Variants in ACSS1 observed in about 807,000 individuals in gnomAD.
ACSS1 encodes the protein acyl-CoA synthetase short chain family member 1.
Under a neutral mutation model 75.3 loss-of-function variants are expected in ACSS1, and 42 were observed. The ratio of observed to expected loss-of-function variants is 0.56; its 90% CI spans 0.44 to 0.72. The LOEUF is 0.72. ACSS1 is among the 30% of genes least tolerant of loss of function. The pLI, the probability that ACSS1 is intolerant of heterozygous loss-of-function variation, is 0.00. For missense variants in ACSS1, 782 were observed against 935.7 expected (o/e 0.84, Z 2.14); for synonymous variants, 380 against 376.8 (o/e 1.01, Z -0.10).
chr20:25,009,183 A>G lies in ACSS1; in HGVS notation c.1890+87T>C, dbSNP rs1322865998. 6.8e-6 allele frequency: 8 copies of G among 1,181,740 alleles called. No homozygotes were observed. In the East Asian group the frequency reaches 1.9e-4, roughly 28 times the overall value. 73.2% of individuals were successfully genotyped at this position (1,181,740 alleles called of 1,614,324 possible). A position where few individuals can be genotyped will look rare whatever the true frequency, so the allele number is the denominator to read the frequency against. On this transcript the variant is annotated intron_variant, in intron 13 of 13. Transcript: ENST00000323482. ...TCCGTTTTGATGCTAATTGGAAAAG[A>G]GTAATATGCTCCTAAAAGATCATTG...
intron 2 of ACSS1, among the ~76,000 whole-genome samples, chr20:25,041,936 G>A (rs1442942430): frequency 6.6e-6 from 1 of 152,156 alleles, no homozygotes; most frequent in African/African-American, 2.4e-5. Context: ...GACTCCATTC[G>A]AGTGGCCTGG....
intron 5 of ACSS1, among the ~76,000 whole-genome samples, chr20:25,021,836 G>A (rs1039337135): frequency 5.3e-5 from 8 of 152,188 alleles, no homozygotes; most frequent in African/African-American, 1.9e-4. Flanking sequence ...CAGCTTCGAG[G>A]AGCATGAGAG....
At chr20:25,023,351 G>C (rs796761093) in intron 4 of ACSS1, 115 bp downstream of exon 4, 1 of 1,300,408 alleles carries the variant, frequency 7.7e-7, no homozygotes, top group African/African-American at 1.5e-5. Context: ...AAATACCACA[G>C]AGGAACCCTG....
At chr20:25,009,225 G>A in intron 13 of ACSS1, 45 bp downstream of exon 13, 1 of 1,451,860 alleles carries the variant, frequency 6.9e-7, no homozygotes, top group Non-Finnish European at 9.7e-7. Flanking sequence ...GACAATTGTG[G>A]GAAGAACAGC....
rs760704817 is a variant in ACSS1, at chr20:25,023,558, C to T, written c.715G>A (p.Val239Met). The change falls in exon 4 of 14, where the codon GTG (valine) becomes ATG (methionine). Residue 239 changes from valine (V) to methionine (M), a missense_variant. Val to Met is a conservative substitution (Grantham distance 21). Coordinates refer to ENST00000323482, the MANE Select transcript of ACSS1 (RefSeq NM_032501.4). ...VELKKIVDEA[V>M]KHCPTVQHVL... Reference sequence around the variant, plus strand: ...TGCTGCACGGTGGGGCAGTGCTTCACAGCCTCATCCACTATTTTCTTCAGC... The same window carrying T: ...TGCTGCACGGTGGGGCAGTGCTTCATAGCCTCATCCACTATTTTCTTCAGC... 6.2e-7 allele frequency: 1 copy of T among 1,614,162 alleles called. No individual in the cohort carries two copies. The highest frequency in any genetic ancestry group is 8.5e-7 in the Non-Finnish European group (1 of 1,180,028).
chr20:25,009,557 GT>G (rs2088370255), intron 12 of ACSS1, 169 bp from the exon 13 acceptor site: 1 of 633,308 alleles, frequency 1.6e-6, no homozygotes, highest in South Asian at 1.8e-5. Context: ...ATGCACTTCA[GT>G]TTCATGAAAA....
chr20:25,041,654 G>A (rs1435882949), intron 2 of ACSS1, among the ~76,000 whole-genome samples: 4 of 152,102 alleles, frequency 2.6e-5, no homozygotes, highest in Non-Finnish European at 5.9e-5. Flanking sequence ...CATACAAAAT[G>A]TTAGCCTGGA....
chr20:25,042,185 G>A (rs571217721), intron 2 of ACSS1, among the ~76,000 whole-genome samples: 3 of 152,296 alleles, frequency 2.0e-5, no homozygotes, highest in Admixed American at 6.5e-5. Context: ...GACGTGCCAG[G>A]ACCTCGGCAC....
At position 25,007,596 on chromosome 20, in the gene ACSS1, G is replaced by A. The variant is rs1040435096; in HGVS notation, c.*166C>T. 3.7e-5 allele frequency: 54 copies of A among 1,464,534 alleles called. No individual in the cohort carries two copies. The highest frequency in any genetic ancestry group is 1.8e-4 in the Admixed American group (7 of 38,506). The allele number at this position is 1,464,534 out of a possible 1,614,324, so 90.7% of individuals were successfully genotyped here. A position where few individuals can be genotyped will look rare whatever the true frequency, so the allele number is the denominator to read the frequency against. ...CACTCCTGGGACCTCCAATGGATGG[G>A]AGAAAGGGCTCTCAGCCCAGCTTCA... On this transcript the variant is annotated 3_prime_UTR_variant, in exon 14 of 14. Transcript: ENST00000323482.
chr20:25,038,324 C>A (rs551115680), intron 2 of ACSS1, among the ~76,000 whole-genome samples: 10 of 152,322 alleles, frequency 6.6e-5, no homozygotes, highest in African/African-American at 9.6e-5. Flanking sequence ...CACAGCCCCC[C>A]ACACCACTGG....
Position 25,048,157 on chromosome 20 carries a change from C to G in ACSS1, c.359G>C (p.Arg120Pro). ...VSVNCLDQHV[R>P]KSPESVALIW... ...CAAAGCAACGCTCTCGGGGGACTTC[C>G]GAACATGCTGGTCCAAGCAGTTGAC... The change falls in exon 2 of 14, where the codon CGG (arginine) becomes CCG (proline). Residue 120 changes from arginine to proline, a missense_variant. By Grantham distance (103) the Arg-to-Pro change is moderately radical (BLOSUM62 -2). This residue lies in a region of ACSS1 where 377 missense variants were observed against 383.1 expected (regional missense o/e 0.98). Coordinates refer to ENST00000323482, the MANE Select transcript of ACSS1 (RefSeq NM_032501.4). 1 of 1,613,490 alleles carries G rather than the reference C, an allele frequency of 6.2e-7. No individual in the cohort carries two copies. Among genetic ancestry groups the G allele is most frequent in the Non-Finnish European group, 8.5e-7 (1 of 1,179,974 alleles).
intron 2 of ACSS1, chr20:25,031,222 T>C: frequency 3.7e-6 from 2 of 537,536 alleles, no homozygotes; most frequent in South Asian, 3.5e-5. Context: ...CGGCAGGGTT[T>C]TTTTAGGGGA....
intron 12 of ACSS1, chr20:25,010,304 C>T (rs1367321035): frequency 6.6e-6 from 1 of 152,468 alleles, no homozygotes; most frequent in Non-Finnish European, 1.5e-5. Context: ...CTTTGTCTGT[C>T]TCTCTCCTCT....
intron 13 of ACSS1, 80 bp from the exon 14 acceptor site, chr20:25,008,021 G>C (rs2088340551): frequency 6.6e-7 from 1 of 1,513,640 alleles, no homozygotes; most frequent in East Asian, 2.4e-5. Flanking sequence ...AAGATCAGAA[G>C]GGCTCTGCTC....
chr20:25,016,903 G>A (rs1309285729), intron 7 of ACSS1, among the ~76,000 whole-genome samples: 1 of 152,212 alleles, frequency 6.6e-6, no homozygotes, highest in Non-Finnish European at 1.5e-5. Context: ...ATCCACTACA[G>A]GAACTTAACT....
rs116824617 is a variant in ACSS1 at position 25,046,789 on chromosome 20, C to T, written c.431+1296G>A. 2,984 of 779,614 alleles carry T rather than the reference C, an allele frequency of 3.8e-3. 55 individuals carry two copies. The African/African-American group carries it at 0.041, about 11-fold the overall frequency. 48.3% of individuals were successfully genotyped at this position (779,614 alleles called of 1,614,324 possible). A position where few individuals can be genotyped will look rare whatever the true frequency, so the allele number is the denominator to read the frequency against. On this transcript the variant is annotated intron_variant, in intron 2 of 13. Coordinates refer to ENST00000323482, the MANE Select transcript of ACSS1 (RefSeq NM_032501.4). Reference sequence around the variant, plus strand: ...AGTGTGCAGGGGCCACCTGGGGGGCCGCTCAGTTGTCCAGTGGGGCCCGAG... The same window carrying T: ...AGTGTGCAGGGGCCACCTGGGGGGCTGCTCAGTTGTCCAGTGGGGCCCGAG...
chr20:25,057,825 C>T lies in ACSS1; in HGVS notation c.278G>A (p.Cys93Tyr). Residue 93 changes from cysteine to tyrosine, a missense_variant, in exon 1 of 14, where the codon TGC (cysteine) becomes TAC (tyrosine). Around this residue, in one of 2 missense-constraint regions of ACSS1, gnomAD observed 377 missense variants for 383.1 expected, o/e 0.98. Coordinates refer to ENST00000323482, the MANE Select transcript of ACSS1 (RefSeq NM_032501.4). ...WDTPYHTVWD[C>Y]DFSTGKIGWF... The stretch of plus-strand genomic sequence containing the variant: ...GCCGATCTTGCCAGTGCTGAAGTCG[C>T]AGTCCCAGACGGTGTGGTAGGGGGT... 1.2e-6 allele frequency: 2 copies of T among 1,605,966 alleles called. No homozygotes were observed. The highest frequency in any genetic ancestry group is 1.7e-6 in the Non-Finnish European group (2 of 1,174,796).
At chr20:25,020,624 C>T (rs141135816) in intron 6 of ACSS1, among the ~76,000 whole-genome samples, 2 of 152,370 alleles carry the variant, frequency 1.3e-5, no homozygotes, top group East Asian at 1.9e-4. Context: ...CCACACCATC[C>T]CCTCCACATG....
intron 3 of ACSS1, among the ~76,000 whole-genome samples, chr20:25,024,966 T>C (rs76659077): frequency 0.022 from 3,310 of 152,260 alleles, 47 homozygotes; most frequent in African/African-American, 0.029. Flanking sequence ...ATAGCTCACC[T>C]GGGGAAACCA....
Sources: allele counts gnomAD v4.1 joint callset (sites outside exome capture counted in the v4.1 genomes callset), GRCh38; gene constraint gnomAD v4.1.1; regional missense constraint gnomAD v4.1.1; transcripts MANE v1.5; gene names NCBI Gene and HGNC (gene_info 2026-07-23, HGNC 2026-07-21).